Variants in MBTD1 observed in about 807,000 individuals in gnomAD.
MBTD1 encodes the protein mbt domain containing 1.
In MBTD1, 24 loss-of-function variants were observed where a neutral mutation model predicts 87.8. The observed-to-expected ratio is 0.27, with a 90% CI of 0.20 to 0.38. The LOEUF (loss-of-function observed/expected upper bound fraction) is 0.38. Among genes scored for constraint, MBTD1 ranks in the 10% least tolerant of loss-of-function variants. The pLI, the probability that MBTD1 is intolerant of heterozygous loss-of-function variation, is 1.00. For synonymous variants in MBTD1, 237 were observed against 248.6 expected (o/e 0.95, Z 0.44); for missense variants, 436 against 760.2 (o/e 0.57, Z 5.02).
chr17:51,230,661 A>C (rs1452194088), intron 2 of MBTD1, among the ~76,000 whole-genome samples: 1 of 152,174 alleles, frequency 6.6e-6, no homozygotes, highest in Non-Finnish European at 1.5e-5. Flanking sequence ...GTGCAAGACG[A>C]GGGCTTTTGG....
At chr17:51,253,445 A>C (rs2054911119) in intron 2 of MBTD1, among the ~76,000 whole-genome samples, 1 of 152,216 alleles carries the variant, frequency 6.6e-6, no homozygotes, top group African/African-American at 2.4e-5. Flanking sequence ...AATCATGAGC[A>C]ACAGGTAAAA....
chr17:51,203,920 T>C lies in MBTD1; in HGVS notation c.610A>G (p.Asn204Asp), dbSNP rs764427987. The C allele has an allele frequency of 6.3e-7, 1 of 1,598,406 alleles. No individual in the cohort carries two copies. The highest frequency in any genetic ancestry group is 1.4e-5 in the African/African-American group (1 of 73,760). The part of the protein sequence containing the change: ...IAGIVKLAGY[N>D]ALLRYEGFEN... ...AATCCTTCATATCTTAAAAGGGCATTGTAACCTGAAACCCAGAAATAAATC... is the reference window on the plus strand; with the variant it reads ...AATCCTTCATATCTTAAAAGGGCATCGTAACCTGAAACCCAGAAATAAATC... The change falls in exon 8 of 17, where the codon AAT (asparagine) becomes GAT (aspartate). Residue 204 changes from asparagine to aspartate, a missense_variant. Asn to Asp is a conservative substitution (Grantham distance 23). This residue lies in a region of MBTD1 where 268 missense variants were observed against 401.8 expected (regional missense o/e 0.67). Transcript: ENST00000586178.
intron 2 of MBTD1, among the ~76,000 whole-genome samples, chr17:51,248,454 T>C (rs544874570): frequency 6.6e-6 from 1 of 152,186 alleles, no homozygotes; most frequent in African/African-American, 2.4e-5. Flanking sequence ...ATTAAACTTT[T>C]AAAAATTAAG....
intron 2 of MBTD1, among the ~76,000 whole-genome samples, chr17:51,229,025 A>C (rs984130688): frequency 7.3e-5 from 11 of 151,698 alleles, no homozygotes; most frequent in Non-Finnish European, 8.8e-5. Context: ...AAAAAAAAAA[A>C]CAAGAAAAAG....
At chr17:51,196,100 T>TG (rs1297039441) in intron 12 of MBTD1, among the ~76,000 whole-genome samples, 1 of 152,076 alleles carries the variant, frequency 6.6e-6, no homozygotes, top group African/African-American at 2.4e-5. Context: ...TTTGTAGAGA[T>TG]GGGGTCTCAC....
chr17:51,217,149 T>C (rs1185182399), intron 6 of MBTD1, among the ~76,000 whole-genome samples, 185 bp downstream of exon 6: 10 of 152,164 alleles, frequency 6.6e-5, no homozygotes, highest in Non-Finnish European at 1.0e-4. Context: ...TATAGGAAAC[T>C]TGTACTTACA....
intron 7 of MBTD1, 147 bp downstream of exon 7, chr17:51,206,741 T>A: frequency 1.8e-6 from 1 of 567,738 alleles, no homozygotes. Flanking sequence ...GTTTGGCTTT[T>A]CACAGAAAAC....
chr17:51,193,146 A>C, intron 14 of MBTD1, 130 bp from the exon 15 acceptor site: 1 of 686,686 alleles, frequency 1.5e-6, no homozygotes, highest in Admixed American at 2.6e-5. Context: ...ATTCCAAATA[A>C]TTCTTTAACT....
chr17:51,206,900 C>T lies in MBTD1; in HGVS notation c.592G>A (p.Val198Ile). ...TCATGCTTTTCACCTGCTAATTTTA[C>T]AATTCCAGCAATCCAGAAGACTTTG... is the stretch of plus-strand genomic sequence containing the variant. ...PTKVFWIAGIVKLAGYNALLR... is the reference protein window; with the variant it reads ...PTKVFWIAGIIKLAGYNALLR... Residue 198 changes from valine to isoleucine, a missense_variant, in exon 7 of 17, where the codon GTA becomes ATA. Coordinates refer to ENST00000586178, the MANE Select transcript of MBTD1 (RefSeq NM_017643.3). The T allele has an allele frequency of 6.2e-7, 1 of 1,605,896 alleles. No individual in the cohort carries two copies. Among genetic ancestry groups the T allele is most frequent in the Non-Finnish European group, 8.5e-7 (1 of 1,172,874 alleles).
At chr17:51,183,483 C>A (rs145982028) in intron 16 of MBTD1, 2 of 152,236 alleles carry the variant, frequency 1.3e-5, no homozygotes, top group Non-Finnish European at 1.5e-5. Context: ...TAAGCCACTG[C>A]GCCTGGCCAA....
chr17:51,181,108 G>A (rs1242490105), intron 16 of MBTD1, among the ~76,000 whole-genome samples: 4 of 145,516 alleles, frequency 2.7e-5, no homozygotes. Context: ...TGCAACCTCC[G>A]CTTCCCGGTT....
rs755916197 is a variant in MBTD1 at position 51,202,054 on chromosome 17, G to C, written c.1087C>G (p.His363Asp). The C allele has an allele frequency of 3.1e-6, 5 of 1,607,110 alleles. No homozygotes were observed. The African/African-American group carries it at 6.7e-5, about 21-fold the overall frequency. Residue 363 changes from histidine to aspartate, a missense_variant, in exon 11 of 17, where the codon CAT (histidine) becomes GAT (aspartate). Physicochemically the swap from His to Asp is moderately conservative, Grantham distance 81. This residue lies in a region of MBTD1 where 268 missense variants were observed against 401.8 expected (regional missense o/e 0.67). Coordinates refer to ENST00000586178, the MANE Select transcript of MBTD1 (RefSeq NM_017643.3). The part of the protein sequence containing the change: ...RSDITKKQDG[H>D]FDTPPHLFAK... ...AATAAATGTGGTGGTGTATCAAAAT[G>C]TCCATCCTGTTTCTTTGTAATATCT...
At chr17:51,238,017 T>C (rs561061552) in intron 2 of MBTD1, among the ~76,000 whole-genome samples, 1 of 152,276 alleles carries the variant, frequency 6.6e-6, no homozygotes, top group East Asian at 1.9e-4. Flanking sequence ...CGTCTTACTG[T>C]ATGACTCTTT....
intron 12 of MBTD1, 144 bp downstream of exon 12, chr17:51,201,448 T>C (rs189945235): frequency 4.2e-4 from 212 of 503,856 alleles, no homozygotes; most frequent in African/African-American, 3.8e-3. Context: ...CAAATTTATT[T>C]TGAAATTCCT....
chr17:51,183,435 A>C (rs998913749), intron 16 of MBTD1: 16 of 150,552 alleles, frequency 1.1e-4, no homozygotes, highest in African/African-American at 3.9e-4. Flanking sequence ...GTGATTCCCC[A>C]CATGGGATAA....
rs1044308080 is a variant in MBTD1 at position 51,253,377 on chromosome 17, G to A, written c.-49+5766C>T. ...AAGGACACAAGAACCTATGTAGAAG[G>A]ATGTTTGCTAATGTAATAATAATGA... On this transcript the variant is annotated intron_variant, in intron 2 of 16. Transcript: ENST00000586178. Among the ~76,000 whole-genome samples, 7 of 152,238 alleles carry A rather than the reference G, an allele frequency of 4.6e-5. No individual in the cohort carries two copies. In the East Asian group the frequency reaches 5.8e-4, roughly 13 times the overall value.
At chr17:51,201,971 C>T in intron 11 of MBTD1, 51 bp downstream of exon 11, 1 of 1,290,036 alleles carries the variant, frequency 7.8e-7, no homozygotes, top group Non-Finnish European at 1.1e-6. Flanking sequence ...AAACCCACAA[C>T]CCTCTTTCAA....
At chr17:51,219,806 G>GCACTGATGTACATTTAAAGCA (rs2052781179) in intron 4 of MBTD1, among the ~76,000 whole-genome samples, 1 of 152,138 alleles carries the variant, frequency 6.6e-6, no homozygotes, top group South Asian at 2.1e-4. Flanking sequence ...CATTTTGTAG[G>GCACTGATGTACATTTAAAGCA]CACTGATGTA....
At chr17:51,260,244 AG>A (rs2055399408), upstream of MBTD1, 1 of 441,228 alleles carries the variant, frequency 2.3e-6, no homozygotes, top group Non-Finnish European at 4.0e-6. Context: ...CAAGAGGAAA[AG>A]CAGAAGTTCC....
Sources: allele counts gnomAD v4.1 joint callset (sites outside exome capture counted in the v4.1 genomes callset), GRCh38; gene constraint gnomAD v4.1.1; regional missense constraint gnomAD v4.1.1; transcripts MANE v1.5; gene names NCBI Gene and HGNC (gene_info 2026-07-23, HGNC 2026-07-21).